PRRC2B: variants seen among roughly 807,000 people sequenced by gnomAD.
The protein encoded by PRRC2B is protein PRRC2B.
Under a neutral mutation model 242.3 loss-of-function variants are expected in PRRC2B, and 68 were observed. The observed-to-expected ratio is 0.28, with a 90% CI of 0.23 to 0.34. The LOEUF (loss-of-function observed/expected upper bound fraction) is 0.34, where lower values mean the gene tolerates loss of function less well. Among genes scored for constraint, PRRC2B ranks in the 10% least tolerant of loss-of-function variants. PRRC2B has a pLI of 1.00. For synonymous variants in PRRC2B, 1,228 were observed against 1,173.6 expected, an observed-to-expected ratio of 1.05 and a Z score of -0.95; for missense variants, 2,835 against 2,954.8, an observed-to-expected ratio of 0.96 and a Z score of 0.94.
chr9:131,438,239 A>C (rs1044139476), intron 4 of PRRC2B, among the ~76,000 whole-genome samples: 1 of 152,084 alleles, frequency 6.6e-6, no homozygotes, highest in African/African-American at 2.4e-5. Context: ...AAGACGGGTG[A>C]GCTTAGTGGT....
Position 131,447,601 on chromosome 9 carries a change from G to A in PRRC2B, c.978-61G>A, listed in dbSNP as rs546855196. 364 of 1,420,634 alleles carry A rather than the reference G, an allele frequency of 2.6e-4. 1 individual carries two copies. In the African/African-American group the frequency reaches 4.7e-3, roughly 18 times the overall value. 88.0% of individuals were successfully genotyped at this position (1,420,634 alleles called of 1,614,324 possible). A position where few individuals can be genotyped will look rare whatever the true frequency, so the allele number is the denominator to read the frequency against. On this transcript the variant is annotated intron_variant, in intron 8 of 31. Transcript: ENST00000683519. ...CAGTGTGGAATTTATTTTTGGAAAG[G>A]TATTTGATTTTGCTTCCGTCTGTAT...
Position 131,462,610 on chromosome 9 carries a change from C to T in PRRC2B, c.1405-2153C>T, listed in dbSNP as rs187565121. Among the ~76,000 whole-genome samples, 1,399 of 151,480 alleles carry T rather than the reference C, an allele frequency of 9.2e-3. 25 individuals carry two copies. Among genetic ancestry groups the T allele is most frequent in the African/African-American group, 0.033 (1,353 of 41,390 alleles). On this transcript the variant is annotated intron_variant, in intron 11 of 31. Coordinates refer to ENST00000683519, the MANE Select transcript of PRRC2B (RefSeq NM_013318.4). ...ATCCCAGCACTTTGGGAGGCCGAGGCGGGTGGATCACGAGGTCAGAAGTTC... is the reference window on the plus strand; with the variant it reads ...ATCCCAGCACTTTGGGAGGCCGAGGTGGGTGGATCACGAGGTCAGAAGTTC...
chr9:131,459,063 T>C (rs1455668534), intron 10 of PRRC2B, 101 bp from the exon 11 acceptor site: 4 of 1,019,994 alleles, frequency 3.9e-6, no homozygotes, highest in Non-Finnish European at 5.9e-6. Context: ...AAGAAAATGA[T>C]TTGGACAGCT....
At chr9:131,447,595 G>T in intron 8 of PRRC2B, 67 bp from the exon 9 acceptor site, 1 of 1,392,796 alleles carries the variant, frequency 7.2e-7, no homozygotes, top group East Asian at 2.5e-5. Flanking sequence ...ATTTATTTTT[G>T]GAAAGGTATT....
intron 1 of PRRC2B, among the ~76,000 whole-genome samples, chr9:131,428,710 T>G (rs1838040532): frequency 6.6e-6 from 1 of 152,020 alleles, no homozygotes; most frequent in African/African-American, 2.4e-5. Flanking sequence ...TTTAATTTTT[T>G]TAGACACAGT....
At position 131,476,446 on chromosome 9, in the gene PRRC2B, G is replaced by T. The variant is rs1291857783; in HGVS notation, c.4317G>T (p.Gly1439=). 6.2e-7 allele frequency: 1 copy of T among 1,613,142 alleles called. No individual in the cohort carries two copies. Among genetic ancestry groups the T allele is most frequent in the African/African-American group, 1.3e-5 (1 of 74,928 alleles). ...AGAGCCGAAAGCTGGAGCCGGGAGGGTTTGGGGAGAAGCCCGTTAGGCCAG... is the reference window on the plus strand; with the variant it reads ...AGAGCCGAAAGCTGGAGCCGGGAGGTTTTGGGGAGAAGCCCGTTAGGCCAG... The part of the protein sequence containing the change: ...DRQSRKLEPG[G]FGEKPVRPGG... Residue 1439 remains glycine, a synonymous_variant, in exon 16 of 32, where the codon GGG becomes GGT. Transcript: ENST00000683519.
At chr9:131,430,027 G>C (rs1033297326) in intron 1 of PRRC2B, 67 bp from the exon 2 acceptor site, 4 of 640,264 alleles carry the variant, frequency 6.2e-6, no homozygotes, top group African/African-American at 1.9e-5. Context: ...CAGAGGTTCT[G>C]CTGTAGTGAC....
At chr9:131,395,769 C>G (rs1837035301) in intron 1 of PRRC2B, among the ~76,000 whole-genome samples, 1 of 152,168 alleles carries the variant, frequency 6.6e-6, no homozygotes, top group East Asian at 1.9e-4. Context: ...GGCGCTTATA[C>G]AGTGCTGAGC....
intron 1 of PRRC2B, among the ~76,000 whole-genome samples, chr9:131,396,330 T>TTC (rs1293039570): frequency 2.7e-4 from 27 of 101,712 alleles, no homozygotes; most frequent in African/African-American, 7.8e-4. Context: ...CTTTTCTTTT[T>TTC]TTTTTTTTTT....
intron 9 of PRRC2B, among the ~76,000 whole-genome samples, chr9:131,448,629 G>A (rs1357957411): frequency 6.7e-6 from 1 of 150,182 alleles, no homozygotes; most frequent in Non-Finnish European, 1.5e-5. Context: ...TGTTTGCAGG[G>A]TCCATCATGG....
At chr9:131,495,589 G>T (rs1402321252) in intron 31 of PRRC2B, 151 bp from the exon 32 acceptor site, 3 of 797,354 alleles carry the variant, frequency 3.8e-6, no homozygotes, top group Non-Finnish European at 5.9e-6. Flanking sequence ...CTAGGAGGGG[G>T]GTTTCTAAGT....
chr9:131,421,480 A>G (rs778450136), intron 1 of PRRC2B, among the ~76,000 whole-genome samples: 20 of 152,148 alleles, frequency 1.3e-4, no homozygotes, highest in Admixed American at 9.2e-4. Context: ...TGAAGCGTTT[A>G]TCCAGCCTGC....
Position 131,425,725 on chromosome 9 carries a change from G to A in PRRC2B, c.-51-4369G>A, listed in dbSNP as rs183019306. Among the ~76,000 whole-genome samples, 560 of 148,408 alleles carry A rather than the reference G, an allele frequency of 3.8e-3. 1 individual carries two copies. Among genetic ancestry groups the A allele is most frequent in the South Asian group, 0.011 (53 of 4,630 alleles). On this transcript the variant is annotated intron_variant, in intron 1 of 31. Coordinates refer to ENST00000683519, the MANE Select transcript of PRRC2B (RefSeq NM_013318.4). ...AGGATGATCTCGATCTCCTGACCTC[G>A]TGATCACCCGCCTCAGCCTCCCAAA... is the stretch of plus-strand genomic sequence containing the variant.
At chr9:131,495,631 G>A in intron 31 of PRRC2B, 109 bp from the exon 32 acceptor site, 1 of 1,293,630 alleles carries the variant, frequency 7.7e-7, no homozygotes, top group South Asian at 1.4e-5. Flanking sequence ...TGACAACTTA[G>A]GGGAGCTTTC....
At chr9:131,420,459 TTC>T (rs1313672834) in intron 1 of PRRC2B, among the ~76,000 whole-genome samples, 24 of 9,544 alleles carry the variant, frequency 2.5e-3, no homozygotes, top group African/African-American at 4.0e-3. Context: ...TTCTTTTTCT[TTC>T]TTTCTTTCTT....
intron 26 of PRRC2B, chr9:131,486,393 G>GC: frequency 1.4e-6 from 1 of 708,278 alleles, no homozygotes; most frequent in Non-Finnish European, 1.7e-6. Context: ...GGCTGCTCCA[G>GC]ACTCTGCTTA....
intron 1 of PRRC2B, among the ~76,000 whole-genome samples, chr9:131,409,288 C>G (rs1837446793): frequency 6.6e-6 from 1 of 152,206 alleles, no homozygotes; most frequent in Admixed American, 6.5e-5. Flanking sequence ...TCCCAAAATG[C>G]TGGGATTACA....
intron 15 of PRRC2B, 56 bp downstream of exon 15, chr9:131,473,780 A>C: frequency 2.2e-6 from 3 of 1,385,380 alleles, no homozygotes; most frequent in Non-Finnish European, 3.0e-6. Context: ...CCAGGTCCTA[A>C]TTGAGAGGGC....
chr9:131,416,446 A>G lies in PRRC2B; in HGVS notation c.-51-13648A>G, dbSNP rs1002950231. Among the ~76,000 whole-genome samples, 12 of 152,318 alleles carry G rather than the reference A, an allele frequency of 7.9e-5. No individual in the cohort carries two copies. The Middle Eastern group carries it at 0.01, about 130-fold the overall frequency. Reference sequence around the variant, plus strand: ...TAATTGGATTATTTTACTTTAGAATAGTTTAGCTGTACAGAAAAGTTGGAG... The same window carrying G: ...TAATTGGATTATTTTACTTTAGAATGGTTTAGCTGTACAGAAAAGTTGGAG... On this transcript the variant is annotated intron_variant, in intron 1 of 31. Transcript: ENST00000683519.
Sources: gnomAD v4.1 joint callset for allele counts (sites outside exome capture counted in the v4.1 genomes callset) on GRCh38, gnomAD v4.1.1 for gene constraint, MANE v1.5 for transcripts, NCBI Gene and HGNC (gene_info 2026-07-23, HGNC 2026-07-21) for gene names.